Variants in PLB1 observed in about 807,000 individuals in gnomAD.
PLB1 encodes phospholipase B1.
Under a neutral mutation model 227.4 loss-of-function variants are expected in PLB1, and 242 were observed. That is an observed-to-expected ratio of 1.06 (90% confidence interval 0.96 to 1.18). PLB1 has a LOEUF of 1.18. Ranked by LOEUF, PLB1 falls within the 50% of genes most tolerant of loss-of-function variation. The pLI, the probability that PLB1 is intolerant of heterozygous loss-of-function variation, is 0.00. For synonymous variants in PLB1, 757 were observed against 682.2 expected (o/e 1.11, Z -1.71); for missense variants, 1,858 against 1,816.3 (o/e 1.02, Z -0.42).
chr2:28,637,275 A>AAGAGT (rs1283603506), intron 56 of PLB1, among the ~76,000 whole-genome samples: 2 of 149,974 alleles, frequency 1.3e-5, no homozygotes, highest in African/African-American at 4.9e-5. Context: ...CCTGGGTGAC[A>AAGAGT]AGAGTAAAAC....
chr2:28,557,553 C>T (rs1285374108), intron 17 of PLB1, among the ~76,000 whole-genome samples: 1 of 152,194 alleles, frequency 6.6e-6, no homozygotes, highest in African/African-American at 2.4e-5. Context: ...GTATAACCTT[C>T]CATGTACAGT....
intron 6 of PLB1, among the ~76,000 whole-genome samples, chr2:28,528,325 C>T (rs1399764707): frequency 6.6e-6 from 1 of 152,172 alleles, no homozygotes; most frequent in Non-Finnish European, 1.5e-5. Flanking sequence ...CATCTGCCTC[C>T]CATGACACTC....
chr2:28,593,592 G>GA, intron 32 of PLB1, 89 bp from the exon 33 acceptor site: 2 of 1,113,990 alleles, frequency 1.8e-6, no homozygotes, highest in Non-Finnish European at 2.7e-6. Context: ...AGTGCATTGG[G>GA]AACCCCCTCT....
At position 28,594,310 on chromosome 2, in the gene PLB1, C is replaced by T. The variant is rs4666106; in HGVS notation, c.2321+556C>T. ...AGGGTGAGAAAGGGCATCCCGAACA[C>T]GGAAGTGGAGAAGCTCAGGGTGTGT... On this transcript the variant is annotated intron_variant, in intron 33 of 57. Coordinates refer to ENST00000327757, the MANE Select transcript of PLB1 (RefSeq NM_153021.5). 1.5e-3 allele frequency: 362 copies of T among 247,254 alleles called. 3 individuals are homozygous for T. The highest frequency in any genetic ancestry group is 0.014 in the Admixed American group (284 of 20,462). The allele number at this position is 247,254 out of a possible 1,614,324, so 15.3% of individuals were successfully genotyped here. A position where few individuals can be genotyped will look rare whatever the true frequency, so the allele number is the denominator to read the frequency against.
intron 33 of PLB1, chr2:28,595,628 ATAACACCTGT>A (rs1345431072): frequency 6.6e-6 from 1 of 152,182 alleles, no homozygotes; most frequent in East Asian, 1.9e-4. Context: ...TTCTTTGTTC[ATAACACCTGT>A]TAACACCTCC....
chr2:28,568,567 G>A (rs139994919), intron 20 of PLB1, among the ~76,000 whole-genome samples: 9 of 152,282 alleles, frequency 5.9e-5, no homozygotes, highest in East Asian at 1.9e-4. Flanking sequence ...CAGAATCCCC[G>A]TTCAACCCCC....
chr2:28,600,962 A>G (rs1219764083), intron 36 of PLB1, 102 bp downstream of exon 36: 3 of 1,067,074 alleles, frequency 2.8e-6, no homozygotes, highest in Non-Finnish European at 4.2e-6. Flanking sequence ...GCCCCATGTT[A>G]TTAGAGGCAT....
chr2:28,590,324 A>C (rs1681690512), intron 29 of PLB1, among the ~76,000 whole-genome samples: 1 of 151,700 alleles, frequency 6.6e-6, no homozygotes, highest in Non-Finnish European at 1.5e-5. Context: ...GGTGGAGACA[A>C]CTCTTTGGGG....
In PLB1 at chr2:28,620,964, AG is replaced by A; in HGVS notation, c.3517del (p.Ala1173ProfsTer14). 1 of 1,612,262 alleles carries A rather than the reference AG, an allele frequency of 6.2e-7. No individual in the cohort carries two copies. The highest frequency in any genetic ancestry group is 8.5e-7 in the Non-Finnish European group (1 of 1,178,834). ...CAGCAGGACTAAATGTGGCAGCGGAAGGGGCCAGAGCTAGGTGAGTAGATGC... is the reference window on the plus strand; with the variant it reads ...CAGCAGGACTAAATGTGGCAGCGGAAGGGCCAGAGCTAGGTGAGTAGATGC... ...GTAGLNVAAEGARARDMPAQA... is the reference protein window; with the variant it reads ...GTAGLNVAAEXARARDMPAQA... On this transcript the variant is annotated frameshift_variant, in exon 49 of 58. Coordinates refer to ENST00000327757, the MANE Select transcript of PLB1 (RefSeq NM_153021.5). LOFTEE classifies it high-confidence loss of function.
chr2:28,548,754 C>CTT (rs1197426057), intron 14 of PLB1, 106 bp from the exon 15 acceptor site: 49 of 1,048,836 alleles, frequency 4.7e-5, no homozygotes, highest in Non-Finnish European at 6.9e-5. Context: ...ATTTCTAATG[C>CTT]GTTCCCTGGT....
intron 35 of PLB1, among the ~76,000 whole-genome samples, chr2:28,600,152 C>T (rs1432258909): frequency 6.6e-6 from 1 of 152,024 alleles, no homozygotes; most frequent in Non-Finnish European, 1.5e-5. Context: ...TCAAGCAATC[C>T]ACCCACCTCA....
At chr2:28,548,479 A>T in intron 14 of PLB1, 1 of 454,516 alleles carries the variant, frequency 2.2e-6, no homozygotes, top group Non-Finnish European at 4.6e-6. Flanking sequence ...GGTTGGATGC[A>T]GGACACCAAT....
intron 43 of PLB1, among the ~76,000 whole-genome samples, chr2:28,611,383 A>C (rs1685437792): frequency 1.3e-5 from 2 of 152,108 alleles, no homozygotes; most frequent in South Asian, 4.1e-4. Context: ...GGTAGGACTG[A>C]CTCCAGCCCC....
Position 28,643,953 on chromosome 2 carries a change from C to T in PLB1, c.*892C>T, listed in dbSNP as rs1271986580. On this transcript the variant is annotated 3_prime_UTR_variant, in exon 58 of 58. Coordinates refer to ENST00000327757, the MANE Select transcript of PLB1 (RefSeq NM_153021.5). ...GCGAGGCCCCGTGCTGGAGGCCTTC[C>T]ACAGATGGTCTCTTTTATGCTGCAC... Among the ~76,000 whole-genome samples, 1 of 152,200 alleles carries T rather than the reference C, an allele frequency of 6.6e-6. No homozygotes were observed. The highest frequency in any genetic ancestry group is 1.9e-4 in the East Asian group (1 of 5,196).
At chr2:28,571,698 C>T (rs912871939) in intron 20 of PLB1, among the ~76,000 whole-genome samples, 8 of 152,088 alleles carry the variant, frequency 5.3e-5, no homozygotes, top group South Asian at 2.1e-4. Flanking sequence ...GGGAAAGAAT[C>T]GTCTTTTCAA....
intron 46 of PLB1, among the ~76,000 whole-genome samples, chr2:28,620,025 G>A (rs555686992): frequency 6.6e-6 from 1 of 152,160 alleles, no homozygotes; most frequent in Non-Finnish European, 1.5e-5. Context: ...AAAGAAAGGG[G>A]CGGGTGCTAG....
At chr2:28,566,924 G>A (rs1466675833) in intron 20 of PLB1, 85 bp downstream of exon 20, 9 of 1,508,368 alleles carry the variant, frequency 6.0e-6, no homozygotes, top group Non-Finnish European at 8.2e-6. Flanking sequence ...CGCGGGCCTC[G>A]GGAGGAGCCC....
At chr2:28,518,666 G>T in intron 3 of PLB1, 134 bp downstream of exon 3, 1 of 635,196 alleles carries the variant, frequency 1.6e-6, no homozygotes, top group Non-Finnish European at 2.8e-6. Context: ...CAGTCCCTCA[G>T]TGTGACAGAT....
rs111460219 is a variant in PLB1, at chr2:28,585,832, A to G, written c.1805A>G (p.Lys602Arg). The G allele has an allele frequency of 8.7e-6, 14 of 1,606,146 alleles. No individual in the cohort carries two copies. The highest frequency in any genetic ancestry group is 6.7e-5 in the African/African-American group (5 of 74,844). The change falls in exon 26 of 58, where the codon AAG becomes AGG. Residue 602 changes from lysine to arginine, a missense_variant. Lys to Arg is a conservative substitution (Grantham distance 26). Transcript: ENST00000327757. ...CTTGCTACCCTCATCGAATTCAACA[A>G]GAAGTTTCAGGTAAGCCGGGAAGGG... ...TELATLIEFN[K>R]KFQEKTHQLI...
Sources: gnomAD v4.1 joint callset for allele counts (sites outside exome capture counted in the v4.1 genomes callset) on GRCh38, gnomAD v4.1.1 for gene constraint, MANE v1.5 for transcripts, NCBI Gene and HGNC (gene_info 2026-07-23, HGNC 2026-07-21) for gene names.